INTS1: variants seen among roughly 807,000 people sequenced by gnomAD.
INTS1 encodes integrator complex subunit 1.
A neutral mutation model predicts 241.6 loss-of-function variants in INTS1; 137 were observed. That is an observed-to-expected ratio of 0.57 (90% CI 0.49 to 0.65). The LOEUF (loss-of-function observed/expected upper bound fraction) is 0.65, where lower values mean the gene tolerates loss of function less well. Among genes scored for constraint, INTS1 ranks in the 30% least tolerant of loss-of-function variants. INTS1 has a pLI of 0.00. For missense variants in INTS1, 3,073 were observed against 3,032.2 expected, an observed-to-expected ratio of 1.01 and a Z score of -0.32; for synonymous variants, 1,692 against 1,337.8, an observed-to-expected ratio of 1.26 and a Z score of -5.78.
At chr7:1,485,750 C>T (rs925122161) in intron 22 of INTS1, among the ~76,000 whole-genome samples, 3 of 152,272 alleles carry the variant, frequency 2.0e-5, no homozygotes, top group Admixed American at 1.3e-4. Flanking sequence ...CTAGCGCATC[C>T]TTCCTACGCA....
At position 1,476,825 on chromosome 7, in the gene INTS1, G is replaced by T. The variant is rs116384089; in HGVS notation, c.5032C>A (p.Arg1678=). Residue 1678 remains arginine (R), a synonymous_variant, in exon 36 of 48, where the codon CGA becomes AGA. Coordinates refer to ENST00000404767, the MANE Select transcript of INTS1 (RefSeq NM_001080453.3). Reference sequence around the variant, plus strand: ...TCCCGGCTCTTGCCCAGCAGGACTCGGATGCACTGGTGCAGTGTGGGCCAG... The same window carrying T: ...TCCCGGCTCTTGCCCAGCAGGACTCTGATGCACTGGTGCAGTGTGGGCCAG... ...SSWPTLHQCI[R]VLLGKSREQR... is the part of the protein sequence containing the mutation. 4.0e-4 allele frequency: 650 copies of T among 1,612,940 alleles called. 2 individuals are homozygous for T. In the African/African-American group the frequency reaches 8.0e-3, roughly 20 times the overall value.
chr7:1,487,957 G>A lies in INTS1; in HGVS notation c.2319C>T (p.Asn773=), dbSNP rs1006116391. 1.9e-6 allele frequency: 3 copies of A among 1,612,904 alleles called. No homozygotes were observed. The African/African-American group carries it at 4.0e-5, about 22-fold the overall frequency. Residue 773 remains asparagine (N), a splice_region_variant and synonymous_variant, in exon 19 of 48, where the codon AAC becomes AAT. Transcript: ENST00000404767. ...LKMLMEMVMT[N]NYSYPPCTLT... ...GGGTGCACGGTGGGTAGGAGTAGTT[G>A]CTAGGGCCAGACGGGGGAGCGTGTC...
At position 1,476,309 on chromosome 7, in the gene INTS1, G is replaced by A. The variant is rs764295761; in HGVS notation, c.5298C>T (p.Leu1766=). ...SLIQARLPLL[L]SCCCGDDESV... is the part of the protein sequence containing the mutation. Reference sequence around the variant, plus strand: ...TCTCATCGTCCCCACAGCAGCAGCTGAGCAGCAGGGGCAGCCGGGCCTGGA... The same window carrying A: ...TCTCATCGTCCCCACAGCAGCAGCTAAGCAGCAGGGGCAGCCGGGCCTGGA... The change falls in exon 38 of 48, where the codon CTC becomes CTT. Residue 1766 remains leucine (L), a synonymous_variant. Coordinates refer to ENST00000404767, the MANE Select transcript of INTS1 (RefSeq NM_001080453.3). 2.5e-6 allele frequency: 4 copies of A among 1,588,342 alleles called. No individual in the cohort carries two copies. The highest frequency in any genetic ancestry group is 2.6e-6 in the Non-Finnish European group (3 of 1,169,248).
At chr7:1,494,048 C>G (rs1482845839) in intron 14 of INTS1, 137 bp from the exon 15 acceptor site, 2 of 1,093,158 alleles carry the variant, frequency 1.8e-6, no homozygotes, top group Admixed American at 2.9e-5. Context: ...ACGAGCCTAT[C>G]CCCTCCAACC....
chr7:1,488,863 G>A (rs370840930), intron 18 of INTS1, among the ~76,000 whole-genome samples: 68 of 152,260 alleles, frequency 4.5e-4, no homozygotes, highest in Middle Eastern at 3.4e-3. Context: ...GCCGACTCTC[G>A]TCCCACCTGC....
rs771938460 is a variant in INTS1 at position 1,483,744 on chromosome 7, C to T, written c.3539G>A (p.Arg1180Gln). ...TCCCGGGGCCTGTGGCGGCTCACCT[C>T]GAGGCGGGCCCAGCGTCAGCAGGAT... Reference protein sequence around the residue: ...MVILLTLGPPRADDSEFQALL... With the variant: ...MVILLTLGPPQADDSEFQALL... The change falls in exon 26 of 48, where the codon CGA (arginine) becomes CAA (glutamine). Residue 1180 changes from arginine to glutamine, a missense_variant and splice_region_variant. Physicochemically the swap from Arg to Gln is conservative, Grantham distance 43. Coordinates refer to ENST00000404767, the MANE Select transcript of INTS1 (RefSeq NM_001080453.3). 8.7e-6 allele frequency: 14 copies of T among 1,609,558 alleles called. No homozygotes were observed. Among genetic ancestry groups the T allele is most frequent in the Non-Finnish European group, 1.1e-5 (13 of 1,179,328 alleles).
chr7:1,473,469 A>G (rs961125096), intron 42 of INTS1, 97 bp downstream of exon 42: 316 of 1,418,742 alleles, frequency 2.2e-4, no homozygotes, highest in Non-Finnish European at 2.8e-4. Context: ...CAGGAGCAGC[A>G]TATCTGACAC....
chr7:1,472,339 TG>T lies in INTS1; in HGVS notation c.6117del (p.Phe2039LeufsTer4). ...GCCATCTCGGCCGCGGTCAGAGGGG[TG>T]AACAGGGAGACGCTGACCAGGGGCA... is the stretch of plus-strand genomic sequence containing the variant. ...GSLPLVSVSLFTPLTAAEMAP... is the reference protein window; with the variant it reads ...GSLPLVSVSLXTPLTAAEMAP... On this transcript the variant is annotated frameshift_variant, in exon 44 of 48. Transcript: ENST00000404767. LOFTEE classifies it high-confidence loss of function. 1 of 1,573,432 alleles carries T rather than the reference TG, an allele frequency of 6.4e-7. No individual in the cohort carries two copies. The highest frequency in any genetic ancestry group is 1.2e-5 in the South Asian group (1 of 85,778).
At chr7:1,472,204 G>A in intron 44 of INTS1, 69 bp downstream of exon 44, 1 of 1,202,874 alleles carries the variant, frequency 8.3e-7, no homozygotes, top group Non-Finnish European at 1.2e-6. Flanking sequence ...AATGGCTACT[G>A]GCTGCTGCCC....
chr7:1,496,945 T>C (rs188935108), intron 11 of INTS1, among the ~76,000 whole-genome samples, 193 bp downstream of exon 11: 1 of 152,272 alleles, frequency 6.6e-6, no homozygotes, highest in African/African-American at 2.4e-5. Context: ...CAGCCCCTCA[T>C]AGGTCCTCAC....
chr7:1,498,030 A>G (rs986671796), intron 10 of INTS1, among the ~76,000 whole-genome samples: 1 of 147,836 alleles, frequency 6.8e-6, no homozygotes, highest in Non-Finnish European at 1.5e-5. Context: ...CCTGGGCCAC[A>G]TAATAAGACC....
At chr7:1,489,437 C>T (rs761933320) in intron 17 of INTS1, 33 bp from the exon 18 acceptor site, 2 of 1,109,224 alleles carry the variant, frequency 1.8e-6, no homozygotes, top group South Asian at 3.6e-5. Flanking sequence ...GCTGGCCAGG[C>T]TCCCCTGGGC....
In INTS1 at chr7:1,489,660, T is replaced by TTCCA; in HGVS notation, c.2187_2188insTGGA (p.Ile730TrpfsTer57). On this transcript the variant is annotated frameshift_variant, in exon 17 of 48. Transcript: ENST00000404767. LOFTEE classifies it high-confidence loss of function. ...CAGGCCTTCCAGTAGAGGGTAGAGA[T>TTCCA]GGCGAGGTTCGGAGGCTGGTACCTG... The TTCCA allele has an allele frequency of 1.3e-6, 2 of 1,572,402 alleles. No individual in the cohort carries two copies. Among genetic ancestry groups the TTCCA allele is most frequent in the Non-Finnish European group, 1.7e-6 (2 of 1,157,276 alleles).
Position 1,492,834 on chromosome 7 carries a change from C to T in INTS1, c.2165+176G>A, listed in dbSNP as rs56279771. Among the ~76,000 whole-genome samples the T allele has an allele frequency of 0.52, 71,645 of 138,034 alleles. 19,795 individuals are homozygous for T. Among genetic ancestry groups the T allele is most frequent in the African/African-American group, 0.75 (26,774 of 35,712 alleles). 90.6% of individuals were successfully genotyped at this position (138,034 alleles called of 152,430 possible). On this transcript the variant is annotated intron_variant, in intron 16 of 47. Transcript: ENST00000404767. Reference sequence around the variant, plus strand: ...ATGGGGAGTGGGGCGCGGGCTTACCCGGGCGGGAGTGGGGAGTGGGGAGCG... The same window carrying T: ...ATGGGGAGTGGGGCGCGGGCTTACCTGGGCGGGAGTGGGGAGTGGGGAGCG...
At position 1,499,608 on chromosome 7, in the gene INTS1, C is replaced by A. The variant is rs1266568271; in HGVS notation, c.709G>T (p.Glu237Ter). 5 of 1,612,756 alleles carry A rather than the reference C, an allele frequency of 3.1e-6. No individual in the cohort carries two copies. Among genetic ancestry groups the A allele is most frequent in the Non-Finnish European group, 4.2e-6 (5 of 1,179,318 alleles). The change falls in exon 6 of 48, where the codon GAG becomes TAG. Residue 237 changes from glutamate to a stop codon, truncating the protein, a stop_gained. Coordinates refer to ENST00000404767, the MANE Select transcript of INTS1 (RefSeq NM_001080453.3). LOFTEE classifies it high-confidence loss of function. ...VKVYIEDSLGERIWVDSPHCK... is the reference protein window; with the variant it reads ...VKVYIEDSLG ...TGAGGGCTGTCCACCCAGATCCGCT[C>A]CCCCAGGGAGTCCTCGATGTACACC...
chr7:1,480,179 A>C, intron 30 of INTS1, 138 bp downstream of exon 30: 4 of 1,020,576 alleles, frequency 3.9e-6, no homozygotes, highest in Non-Finnish European at 5.6e-6. Flanking sequence ...CACGCGTGTA[A>C]AGGCCGCTGT....
At chr7:1,502,014 C>T (rs1314591967) in intron 3 of INTS1, among the ~76,000 whole-genome samples, 2 of 152,106 alleles carry the variant, frequency 1.3e-5, no homozygotes, top group Admixed American at 6.5e-5. Flanking sequence ...CCAGGGCCGT[C>T]GGGGACTCAC....
chr7:1,477,604 C>G lies in INTS1; in HGVS notation c.4884G>C (p.Glu1628Asp). Residue 1628 changes from glutamate (E) to aspartate (D), a missense_variant, in exon 35 of 48, where the codon GAG becomes GAC. Coordinates refer to ENST00000404767, the MANE Select transcript of INTS1 (RefSeq NM_001080453.3). The part of the protein sequence containing the change: ...LVDWLEMLDP[E>D]VVSSCPDLQL... Reference sequence around the variant, plus strand: ...GCAGGTCGGGGCAGCTGCTGACCACCTCGGGGTCCAGCATTTCCAGCCAGT... The same window carrying G: ...GCAGGTCGGGGCAGCTGCTGACCACGTCGGGGTCCAGCATTTCCAGCCAGT... The G allele has an allele frequency of 1.9e-6, 3 of 1,571,074 alleles. No individual in the cohort carries two copies. Among genetic ancestry groups the G allele is most frequent in the Non-Finnish European group, 2.6e-6 (3 of 1,160,066 alleles).
At chr7:1,472,816 G>GGGACGGGGGGGTGGGGAGGGCCATT (rs1781532924) in intron 43 of INTS1, among the ~76,000 whole-genome samples, 1 of 148,654 alleles carries the variant, frequency 6.7e-6, no homozygotes, top group Non-Finnish European at 1.5e-5. Context: ...GGATGTGCCA[G>GGGACGGGGGGGTGGGGAGGGCCATT]GGACGGGGGG....
Sources: gnomAD v4.1 joint callset for allele counts (sites outside exome capture counted in the v4.1 genomes callset) on GRCh38, gnomAD v4.1.1 for gene constraint, MANE v1.5 for transcripts, NCBI Gene and HGNC (gene_info 2026-07-23, HGNC 2026-07-21) for gene names.